The following AGBL4 variants were observed in gnomAD, a reference collection of about 807,000 sequenced individuals.
AGBL4 encodes cytosolic carboxypeptidase 6.
AGBL4 carries 58 observed loss-of-function variants against 66.4 expected under a neutral mutation model. That is an observed-to-expected ratio of 0.87 (90% CI 0.71 to 1.09). The LOEUF is 1.09. Among genes scored for constraint, AGBL4 ranks in the 50% least tolerant of loss-of-function variants. AGBL4 has a pLI of 0.00. For synonymous variants in AGBL4, 234 were observed against 222.9 expected (o/e 1.05, Z -0.44); for missense variants, 579 against 631.0 (o/e 0.92, Z 0.88).
intron 6 of AGBL4, among the ~76,000 whole-genome samples, chr1:48,747,340 C>T (rs1260733678): frequency 6.6e-6 from 1 of 152,092 alleles, no homozygotes; most frequent in Non-Finnish European, 1.5e-5. Context: ...GGAAAGAAAA[C>T]TCTCAGCTGG....
At chr1:49,032,075 G>A (rs1417564902) in intron 5 of AGBL4, among the ~76,000 whole-genome samples, 1 of 152,164 alleles carries the variant, frequency 6.6e-6, no homozygotes, top group Non-Finnish European at 1.5e-5. Flanking sequence ...ATGGGCCAAT[G>A]TGTATACAAG....
chr1:49,794,239 A>C (rs1417190028), intron 2 of AGBL4, among the ~76,000 whole-genome samples: 1 of 152,078 alleles, frequency 6.6e-6, no homozygotes, highest in Admixed American at 6.5e-5. Context: ...TTGCCGATAC[A>C]TAGAAAAAGC....
chr1:50,016,257 T>C (rs1179675730), intron 1 of AGBL4, among the ~76,000 whole-genome samples: 1 of 152,146 alleles, frequency 6.6e-6, no homozygotes, highest in Admixed American at 6.5e-5. Context: ...CCAGAATCTA[T>C]AAGGAACTTA....
chr1:48,779,755 C>T (rs570976770), intron 6 of AGBL4, among the ~76,000 whole-genome samples: 34 of 147,842 alleles, frequency 2.3e-4, no homozygotes, highest in Admixed American at 1.3e-3. Context: ...CTCTTGTTGC[C>T]CAGGCTGGAG....
At chr1:49,098,330 G>A (rs114158918) in intron 4 of AGBL4, among the ~76,000 whole-genome samples, 26 of 152,328 alleles carry the variant, frequency 1.7e-4, no homozygotes, top group African/African-American at 6.0e-4. Context: ...TGGAGGAGAT[G>A]TAGTTATGTC....
chr1:49,742,705 T>C (rs1284130822), intron 2 of AGBL4, among the ~76,000 whole-genome samples: 2 of 152,028 alleles, frequency 1.3e-5, no homozygotes, highest in Non-Finnish European at 2.9e-5. Context: ...AAAACAGAGA[T>C]ACAGACCAAT....
intron 1 of AGBL4, among the ~76,000 whole-genome samples, chr1:49,892,629 T>C (rs1304779044): frequency 6.6e-6 from 1 of 152,138 alleles, no homozygotes; most frequent in Non-Finnish European, 1.5e-5. Context: ...GCTTAACCAT[T>C]ACCATCTTCA....
At position 49,680,556 on chromosome 1, in the gene AGBL4, T is replaced by C. The variant is rs193243167; in HGVS notation, c.282+16757A>G. Reference sequence around the variant, plus strand: ...TTGAAAATGTTACAGCACTTTATTGTGGGTTCCATGATCTCTTATTATAAA... The same window carrying C: ...TTGAAAATGTTACAGCACTTTATTGCGGGTTCCATGATCTCTTATTATAAA... On this transcript the variant is annotated intron_variant, in intron 3 of 13. Transcript: ENST00000371839. Among the ~76,000 whole-genome samples the C allele has an allele frequency of 9.0e-4, 137 of 152,252 alleles. 1 individual carries two copies. Among genetic ancestry groups the C allele is most frequent in the African/African-American group, 3.2e-3 (132 of 41,566 alleles).
chr1:49,195,966 C>T (rs535157917), intron 4 of AGBL4, among the ~76,000 whole-genome samples: 1 of 152,180 alleles, frequency 6.6e-6, no homozygotes, highest in Admixed American at 6.6e-5. Context: ...TCATAAGGGG[C>T]TTTTCTCACT....
intron 3 of AGBL4, among the ~76,000 whole-genome samples, chr1:49,403,833 T>C (rs536360787): frequency 4.6e-5 from 7 of 152,292 alleles, no homozygotes; most frequent in Non-Finnish European, 7.4e-5. Flanking sequence ...TTCTCACCTC[T>C]ACTTTCTACC....
intron 5 of AGBL4, among the ~76,000 whole-genome samples, chr1:48,969,571 C>CTGTT (rs1174097150): frequency 1.3e-5 from 2 of 152,056 alleles, no homozygotes; most frequent in Non-Finnish European, 2.9e-5. Context: ...AAGTGTTCCA[C>CTGTT]TGTTAGTATT....
chr1:49,857,724 C>T (rs1225956371), intron 1 of AGBL4, among the ~76,000 whole-genome samples: 1 of 152,070 alleles, frequency 6.6e-6, no homozygotes, highest in African/African-American at 2.4e-5. Flanking sequence ...CAAAAATCAA[C>T]TCAATGTGAA....
intron 6 of AGBL4, among the ~76,000 whole-genome samples, chr1:48,688,492 T>C (rs185937324): frequency 2.6e-5 from 4 of 152,342 alleles, no homozygotes; most frequent in Admixed American, 2.0e-4. Context: ...CACCCATTTA[T>C]TCAACAAAGA....
At chr1:49,334,432 T>A (rs933475152) in intron 3 of AGBL4, among the ~76,000 whole-genome samples, 16 of 152,184 alleles carry the variant, frequency 1.1e-4, no homozygotes, top group Admixed American at 3.3e-4. Context: ...TACTCAAAGA[T>A]TTAACATGAA....
At chr1:49,410,555 C>T (rs1645295378) in intron 3 of AGBL4, among the ~76,000 whole-genome samples, 1 of 152,104 alleles carries the variant, frequency 6.6e-6, no homozygotes, top group African/African-American at 2.4e-5. Context: ...ATGCTCTTTC[C>T]TCTGTATCAG....
intron 3 of AGBL4, among the ~76,000 whole-genome samples, chr1:49,560,520 C>T (rs1644013491): frequency 6.6e-6 from 1 of 151,956 alleles, no homozygotes; most frequent in Admixed American, 6.6e-5. Flanking sequence ...GCCTCAAAGA[C>T]AAGACTGAGA....
At chr1:49,080,934 C>G (rs577622792) in intron 4 of AGBL4, among the ~76,000 whole-genome samples, 13 of 152,024 alleles carry the variant, frequency 8.6e-5, no homozygotes, top group African/African-American at 2.9e-4. Flanking sequence ...TTATATATAG[C>G]CTTTTTAAAT....
intron 3 of AGBL4, among the ~76,000 whole-genome samples, chr1:49,413,749 A>T (rs1002121527): frequency 2.0e-5 from 3 of 152,230 alleles, no homozygotes; most frequent in Admixed American, 1.3e-4. Context: ...GAATAAAATT[A>T]TACATGAAAA....
chr1:49,005,952 G>A (rs1661754648), intron 5 of AGBL4, among the ~76,000 whole-genome samples: 1 of 151,910 alleles, frequency 6.6e-6, no homozygotes, highest in South Asian at 2.1e-4. Context: ...AGTGAGCCGA[G>A]ACTGCACCAC....
Sources: allele counts gnomAD v4.1 joint callset (sites outside exome capture counted in the v4.1 genomes callset), GRCh38; gene constraint gnomAD v4.1.1; transcripts MANE v1.5; gene names NCBI Gene and HGNC (gene_info 2026-07-23, HGNC 2026-07-21).